The following TAFA2 variants were observed in gnomAD, a reference collection of about 807,000 sequenced individuals.
TAFA2 encodes the protein TAFA chemokine like family member 2.
TAFA2 carries 7 observed loss-of-function variants against 18.8 expected under a neutral mutation model. That is an observed-to-expected ratio of 0.37 (90% CI 0.21 to 0.70). The LOEUF is 0.70. TAFA2 is among the 30% of genes least tolerant of loss of function. The pLI is 0.53. For missense variants in TAFA2, 122 were observed against 158.1 expected, an observed-to-expected ratio of 0.77 and a Z score of 1.23; for synonymous variants, 60 against 54.2, an observed-to-expected ratio of 1.11 and a Z score of -0.47.
At chr12:62,016,938 G>A (rs1034433831) in intron 1 of TAFA2, among the ~76,000 whole-genome samples, 6 of 152,346 alleles carry the variant, frequency 3.9e-5, no homozygotes, top group South Asian at 4.1e-4. Flanking sequence ...AGAAAAGAGC[G>A]TGAGCTCTGC....
intron 4 of TAFA2, among the ~76,000 whole-genome samples, chr12:61,750,295 C>T (rs951085376): frequency 2.6e-5 from 4 of 152,010 alleles, no homozygotes; most frequent in Admixed American, 6.6e-5. Flanking sequence ...ATAAAAGAGA[C>T]GGTTATAGAT....
At chr12:62,132,166 C>T (rs1295456615) in intron 1 of TAFA2, among the ~76,000 whole-genome samples, 1 of 151,754 alleles carries the variant, frequency 6.6e-6, no homozygotes, top group Non-Finnish European at 1.5e-5. Flanking sequence ...AATTAACTTC[C>T]TTTTTAAAAT....
chr12:61,741,836 G>T (rs1276180323), intron 4 of TAFA2, among the ~76,000 whole-genome samples: 2 of 152,146 alleles, frequency 1.3e-5, no homozygotes, highest in Non-Finnish European at 2.9e-5. Flanking sequence ...TCTTCACAGA[G>T]TGAATGAATG....
intron 1 of TAFA2, among the ~76,000 whole-genome samples, chr12:61,908,784 C>A (rs755775528): frequency 7.9e-5 from 12 of 152,104 alleles, no homozygotes; most frequent in Admixed American, 4.6e-4. Flanking sequence ...GCAACATAAA[C>A]ATGGTTTTTG....
chr12:62,174,165 G>A (rs59338628), intron 1 of TAFA2, among the ~76,000 whole-genome samples: 43,062 of 151,908 alleles, frequency 0.28, 6,397 homozygotes, highest in Non-Finnish European at 0.3. Flanking sequence ...GGTGGCGCAC[G>A]CCTGTAGTCC....
intron 1 of TAFA2, among the ~76,000 whole-genome samples, chr12:61,996,547 G>A (rs1880193825): frequency 1.3e-5 from 2 of 152,148 alleles, no homozygotes; most frequent in South Asian, 4.1e-4. Flanking sequence ...AAATACTCCA[G>A]TCTTCTGTGT....
intron 1 of TAFA2, among the ~76,000 whole-genome samples, chr12:61,954,875 A>G (rs772293774): frequency 1.3e-5 from 2 of 151,976 alleles, no homozygotes; most frequent in African/African-American, 2.4e-5. Flanking sequence ...TCTCATAGGA[A>G]GTCCTATTTC....
chr12:61,727,848 A>G (rs984646870), intron 4 of TAFA2, among the ~76,000 whole-genome samples: 3 of 151,970 alleles, frequency 2.0e-5, no homozygotes, highest in Non-Finnish European at 4.4e-5. Context: ...TAGGCATTCA[A>G]TGACATGAAC....
chr12:62,058,691 T>C (rs1882254226), intron 1 of TAFA2, among the ~76,000 whole-genome samples: 1 of 152,202 alleles, frequency 6.6e-6, no homozygotes. Flanking sequence ...CTGGGCATGG[T>C]AACTCACGCT....
chr12:62,249,847 T>G (rs1432318714), intron 1 of TAFA2, among the ~76,000 whole-genome samples: 1 of 152,178 alleles, frequency 6.6e-6, no homozygotes, highest in Non-Finnish European at 1.5e-5. Flanking sequence ...CAAAGAGCCC[T>G]GAAGAGAATT....
At chr12:61,786,284 G>T (rs1054886486) in intron 2 of TAFA2, among the ~76,000 whole-genome samples, 23 of 151,562 alleles carry the variant, frequency 1.5e-4, no homozygotes, top group Non-Finnish European at 2.7e-4. Context: ...TTCTGCTATG[G>T]TCCTGCCTTA....
intron 2 of TAFA2, among the ~76,000 whole-genome samples, chr12:61,771,893 C>T (rs1227555177): frequency 9.3e-6 from 1 of 107,898 alleles, no homozygotes; most frequent in Admixed American, 1.0e-4. Flanking sequence ...TAGACCAGAA[C>T]TAAATGAAAT....
rs1413993064 is a variant in TAFA2 at position 61,858,847 on chromosome 12, T to C, written c.106+8473A>G. Among the ~76,000 whole-genome samples the C allele has an allele frequency of 4.6e-5, 7 of 152,038 alleles. No individual in the cohort carries two copies. The South Asian group carries it at 1.2e-3, about 27-fold the overall frequency. ...TGTCAATAACAACCAACAACCAGAGTGACCCAAACATCCATCAACAGTGAA... is the reference window on the plus strand; with the variant it reads ...TGTCAATAACAACCAACAACCAGAGCGACCCAAACATCCATCAACAGTGAA... On this transcript the variant is annotated intron_variant, in intron 2 of 4. Coordinates refer to ENST00000416284, the MANE Select transcript of TAFA2 (RefSeq NM_178539.5).
At chr12:61,805,353 C>T (rs760539645) in intron 2 of TAFA2, among the ~76,000 whole-genome samples, 2 of 151,990 alleles carry the variant, frequency 1.3e-5, no homozygotes, top group African/African-American at 4.8e-5. Flanking sequence ...CTGTACATTA[C>T]CTCATTCGTG....
intron 1 of TAFA2, among the ~76,000 whole-genome samples, chr12:61,928,853 T>C (rs1312000265): frequency 6.6e-6 from 1 of 152,022 alleles, no homozygotes; most frequent in East Asian, 1.9e-4. Context: ...CATGAGTCTG[T>C]TGCAGGGACA....
intron 1 of TAFA2, among the ~76,000 whole-genome samples, chr12:62,022,836 G>A (rs962227890): frequency 1.3e-5 from 2 of 152,170 alleles, no homozygotes; most frequent in Non-Finnish European, 2.9e-5. Flanking sequence ...ACTGTGCTGG[G>A]AAGATATGAG....
At chr12:62,021,663 T>C in intron 1 of TAFA2, 3 of 1,330,768 alleles carry the variant, frequency 2.3e-6, no homozygotes, top group Non-Finnish European at 3.2e-6. Flanking sequence ...ATCTTTGGGT[T>C]CCACGATGCT....
chr12:61,743,889 G>T lies in TAFA2; in HGVS notation c.384+9733C>A, dbSNP rs997297189. ...AAAGATTATCCATATTTTTTAATAG[G>T]AGGTTTGCCACTCACAGTAGAGGAA... On this transcript the variant is annotated intron_variant, in intron 4 of 4. Coordinates refer to ENST00000416284, the MANE Select transcript of TAFA2 (RefSeq NM_178539.5). Among the ~76,000 whole-genome samples the T allele has an allele frequency of 2.0e-5, 3 of 152,164 alleles. No individual in the cohort carries two copies. The South Asian group carries it at 6.2e-4, about 32-fold the overall frequency.
At chr12:61,798,192 T>C (rs1871265019) in intron 2 of TAFA2, among the ~76,000 whole-genome samples, 1 of 152,206 alleles carries the variant, frequency 6.6e-6, no homozygotes, top group African/African-American at 2.4e-5. Flanking sequence ...ATCTATTAAT[T>C]TGCTATTAAA....
Sources: allele counts gnomAD v4.1 joint callset (sites outside exome capture counted in the v4.1 genomes callset), GRCh38; gene constraint gnomAD v4.1.1; transcripts MANE v1.5; gene names NCBI Gene and HGNC (gene_info 2026-07-23, HGNC 2026-07-21).